Variants in STAC observed in about 807,000 individuals in gnomAD.
STAC encodes the protein SH3 and cysteine-rich domain-containing protein.
Under a neutral mutation model 48.8 loss-of-function variants are expected in STAC, and 43 were observed. The ratio of observed to expected loss-of-function variants is 0.88; its 90% confidence interval spans 0.69 to 1.14. The LOEUF (loss-of-function observed/expected upper bound fraction) is 1.14. Among genes scored for constraint, STAC ranks in the 50% most tolerant of loss-of-function variants. The pLI is 0.00. For missense variants in STAC, 497 were observed against 504.0 expected (o/e 0.99, Z 0.13); for synonymous variants, 193 against 179.5 (o/e 1.07, Z -0.60).
chr3:36,516,155 T>G lies in STAC; in HGVS notation c.920+10321T>G, dbSNP rs1284038778. ...CCTGCCACCACGCCCCACTAATTTTTGCATTTTTAGTAGAAACGGGGTTTC... is the reference window on the plus strand; with the variant it reads ...CCTGCCACCACGCCCCACTAATTTTGGCATTTTTAGTAGAAACGGGGTTTC... On this transcript the variant is annotated intron_variant, in intron 8 of 10. Coordinates refer to ENST00000273183, the MANE Select transcript of STAC (RefSeq NM_003149.3). Among the ~76,000 whole-genome samples, 3 of 152,000 alleles carry G rather than the reference T, an allele frequency of 2.0e-5. No homozygotes were observed. The East Asian group carries it at 5.8e-4, about 29-fold the overall frequency.
intron 2 of STAC, among the ~76,000 whole-genome samples, chr3:36,481,595 C>G (rs1322433824): frequency 6.6e-6 from 1 of 152,178 alleles, no homozygotes; most frequent in Non-Finnish European, 1.5e-5. Context: ...TATCTCCCCT[C>G]TAAAGAGACT....
At chr3:36,389,478 G>T (rs1194771141) in intron 1 of STAC, among the ~76,000 whole-genome samples, 1 of 152,070 alleles carries the variant, frequency 6.6e-6, no homozygotes, top group Non-Finnish European at 1.5e-5. Flanking sequence ...CATACTGGTG[G>T]ATTAATTTTC....
intron 1 of STAC, among the ~76,000 whole-genome samples, chr3:36,437,156 G>A (rs1454379284): frequency 6.6e-6 from 1 of 151,732 alleles, no homozygotes; most frequent in Admixed American, 6.6e-5. Flanking sequence ...GGAGAAACAG[G>A]AACACTTTTA....
intron 2 of STAC, among the ~76,000 whole-genome samples, chr3:36,445,264 T>C (rs1696475940): frequency 6.6e-6 from 1 of 152,144 alleles, no homozygotes; most frequent in Non-Finnish European, 1.5e-5. Flanking sequence ...AAAAAAAATG[T>C]CCTATGCTAA....
intron 2 of STAC, among the ~76,000 whole-genome samples, chr3:36,465,947 C>A (rs1055349371): frequency 3.9e-5 from 6 of 152,090 alleles, no homozygotes; most frequent in Non-Finnish European, 7.3e-5. Context: ...CCAGACACAC[C>A]CAGGATTAAT....
chr3:36,450,560 C>G (rs1006220432), intron 2 of STAC, among the ~76,000 whole-genome samples: 2 of 152,218 alleles, frequency 1.3e-5, no homozygotes, highest in African/African-American at 4.8e-5. Context: ...GAGTCTCGCT[C>G]TGTCACCCAG....
chr3:36,450,122 T>C (rs751041463), intron 2 of STAC, among the ~76,000 whole-genome samples: 21 of 152,362 alleles, frequency 1.4e-4, no homozygotes, highest in Middle Eastern at 3.4e-3. Context: ...TTATTTACAG[T>C]GTAGACTTTG....
chr3:36,397,727 T>G (rs917996666), intron 1 of STAC, among the ~76,000 whole-genome samples: 7 of 152,240 alleles, frequency 4.6e-5, no homozygotes, highest in African/African-American at 7.2e-5. Flanking sequence ...CCAGGAGGAA[T>G]AACTTCAATC....
intron 1 of STAC, among the ~76,000 whole-genome samples, chr3:36,398,432 G>GTA: frequency 1.5e-5 from 1 of 67,344 alleles, no homozygotes; most frequent in African/African-American, 5.6e-5. Flanking sequence ...AGGAAGGAAG[G>GTA]AAGGAAGGAA....
intron 2 of STAC, among the ~76,000 whole-genome samples, chr3:36,470,850 G>A (rs1697313451): frequency 6.6e-6 from 1 of 152,218 alleles, no homozygotes; most frequent in Non-Finnish European, 1.5e-5. Flanking sequence ...GCCAGATTTT[G>A]AAGTTCATGA....
rs114903780 is a variant in STAC at position 36,525,194 on chromosome 3, T to C, written c.921-3502T>C. 8.4e-3 allele frequency among the ~76,000 whole-genome samples: 1,286 copies of C among 152,284 alleles called. 6 individuals carry two copies. The highest frequency in any genetic ancestry group is 0.014 in the Non-Finnish European group (930 of 68,016). On this transcript the variant is annotated intron_variant, in intron 8 of 10. Coordinates refer to ENST00000273183, the MANE Select transcript of STAC (RefSeq NM_003149.3). Reference sequence around the variant, plus strand: ...TGACACTCTTTCAGAGCCCACATTCTATAAATATTTGTTGAATGAGTGGGT... The same window carrying C: ...TGACACTCTTTCAGAGCCCACATTCCATAAATATTTGTTGAATGAGTGGGT...
At chr3:36,461,099 TA>T (rs1387910043) in intron 2 of STAC, among the ~76,000 whole-genome samples, 1 of 152,216 alleles carries the variant, frequency 6.6e-6, no homozygotes, top group Non-Finnish European at 1.5e-5. Context: ...TTTTTACATG[TA>T]TGTATATGCA....
At chr3:36,524,599 T>A (rs1025673306) in intron 8 of STAC, among the ~76,000 whole-genome samples, 3 of 151,660 alleles carry the variant, frequency 2.0e-5, no homozygotes, top group Non-Finnish European at 2.9e-5. Flanking sequence ...CTCAAAAAAA[T>A]AAATAAATAA....
intron 10 of STAC, among the ~76,000 whole-genome samples, chr3:36,545,815 G>A (rs1488527077): frequency 1.3e-5 from 2 of 152,094 alleles, no homozygotes; most frequent in Non-Finnish European, 2.9e-5. Flanking sequence ...TATTATTTTG[G>A]TCCTTTAAAA....
At chr3:36,406,054 G>A (rs56981041) in intron 1 of STAC, among the ~76,000 whole-genome samples, 32 of 152,224 alleles carry the variant, frequency 2.1e-4, no homozygotes, top group Middle Eastern at 3.4e-3. Context: ...AGACTGTTTC[G>A]TATTTCCCCT....
intron 1 of STAC, among the ~76,000 whole-genome samples, chr3:36,438,016 G>C (rs1026690213): frequency 4.6e-5 from 7 of 151,144 alleles, no homozygotes; most frequent in African/African-American, 1.7e-4. Flanking sequence ...TTGGTTCACT[G>C]CAACCTTGCC....
chr3:36,501,434 A>C (rs1698281552), intron 6 of STAC, among the ~76,000 whole-genome samples: 1 of 151,352 alleles, frequency 6.6e-6, no homozygotes, highest in African/African-American at 2.4e-5. Context: ...TTTAAGATAA[A>C]AGAGATGAAA....
At chr3:36,504,124 C>A (rs1698341713) in intron 6 of STAC, among the ~76,000 whole-genome samples, 1 of 152,136 alleles carries the variant, frequency 6.6e-6, no homozygotes, top group Non-Finnish European at 1.5e-5. Flanking sequence ...GAACACACTA[C>A]TGCCAATCAT....
At chr3:36,479,913 G>A (rs998472551) in intron 2 of STAC, among the ~76,000 whole-genome samples, 12 of 152,154 alleles carry the variant, frequency 7.9e-5, no homozygotes, top group African/African-American at 2.9e-4. Context: ...TATTCTCTGA[G>A]CTGCAGAACA....
Sources: allele counts gnomAD v4.1 joint callset (sites outside exome capture counted in the v4.1 genomes callset), GRCh38; gene constraint gnomAD v4.1.1; transcripts MANE v1.5; gene names NCBI Gene and HGNC (gene_info 2026-07-23, HGNC 2026-07-21).